Variants in PTPRD observed in about 807,000 individuals in gnomAD.
PTPRD encodes the protein receptor-type tyrosine-protein phosphatase delta.
Under a neutral mutation model 214.5 loss-of-function variants are expected in PTPRD, and 34 were observed. That is an observed-to-expected ratio of 0.16 (90% confidence interval 0.12 to 0.21). The LOEUF (loss-of-function observed/expected upper bound fraction) is 0.21, where lower values mean the gene tolerates loss of function less well. Among genes scored for constraint, PTPRD ranks in the 10% least tolerant of loss-of-function variants. The pLI is 1.00. For synonymous variants in PTPRD, 1,128 were observed against 845.7 expected (o/e 1.33, Z -5.79); for missense variants, 2,545 against 2,398.7 (o/e 1.06, Z -1.27).
At chr9:9,046,806 A>G (rs1287341217) in intron 10 of PTPRD, among the ~76,000 whole-genome samples, 2 of 152,206 alleles carry the variant, frequency 1.3e-5, no homozygotes, top group Admixed American at 1.3e-4. Context: ...ACCCTTAGCT[A>G]GTATCATACT....
intron 7 of PTPRD, among the ~76,000 whole-genome samples, chr9:9,577,900 G>T (rs991399416): frequency 3.3e-5 from 5 of 151,702 alleles, no homozygotes; most frequent in African/African-American, 1.2e-4. Context: ...ACAAAAATTA[G>T]CTGGGTATGG....
chr9:10,002,231 C>A (rs1194454397), intron 4 of PTPRD, among the ~76,000 whole-genome samples: 1 of 146,328 alleles, frequency 6.8e-6, no homozygotes, highest in African/African-American at 2.5e-5. Context: ...CAAAAAAGAG[C>A]AATATTAAAG....
chr9:9,119,188 G>T (rs1037500564), intron 10 of PTPRD, among the ~76,000 whole-genome samples: 7 of 152,156 alleles, frequency 4.6e-5, no homozygotes, highest in Non-Finnish European at 1.0e-4. Context: ...ATCTTATTAT[G>T]ACTCCTTATC....
chr9:9,650,950 T>C (rs1256456494), intron 7 of PTPRD, among the ~76,000 whole-genome samples: 3 of 152,036 alleles, frequency 2.0e-5, no homozygotes, highest in Non-Finnish European at 4.4e-5. Context: ...CTAGAGTGTA[T>C]AAAACATATA....
intron 7 of PTPRD, among the ~76,000 whole-genome samples, chr9:9,627,285 C>T (rs1057067375): frequency 6.6e-6 from 1 of 152,078 alleles, no homozygotes; most frequent in Non-Finnish European, 1.5e-5. Context: ...ACAACATGGG[C>T]GACAGAGTGA....
At chr9:9,245,514 C>T (rs993448249) in intron 9 of PTPRD, among the ~76,000 whole-genome samples, 1 of 150,986 alleles carries the variant, frequency 6.6e-6, no homozygotes, top group Non-Finnish European at 1.5e-5. Context: ...CAAACTATTG[C>T]AAGGACAAAA....
intron 8 of PTPRD, among the ~76,000 whole-genome samples, chr9:9,439,753 A>C (rs1226541686): frequency 6.6e-6 from 1 of 152,370 alleles, no homozygotes; most frequent in African/African-American, 2.4e-5. Flanking sequence ...GACGAAGAGC[A>C]TTAATGGTAA....
intron 3 of PTPRD, among the ~76,000 whole-genome samples, chr9:10,303,942 C>T (rs145435326): frequency 3.9e-5 from 6 of 152,156 alleles, no homozygotes; most frequent in East Asian, 1.9e-4. Flanking sequence ...ATGCTGAAAC[C>T]CGGAAGAGAC....
At chr9:8,645,388 C>G (rs1335455119) in intron 12 of PTPRD, among the ~76,000 whole-genome samples, 1 of 152,182 alleles carries the variant, frequency 6.6e-6, no homozygotes, top group African/African-American at 2.4e-5. Flanking sequence ...ATTCCATTTG[C>G]TCATGATTTA....
At chr9:10,279,017 G>C (rs997442513) in intron 3 of PTPRD, among the ~76,000 whole-genome samples, 2 of 152,038 alleles carry the variant, frequency 1.3e-5, no homozygotes, top group South Asian at 2.1e-4. Context: ...CTCGTGATCT[G>C]CCCGCCTTGG....
chr9:9,794,157 A>ATC (rs1491100856), intron 5 of PTPRD, among the ~76,000 whole-genome samples: 3 of 33,348 alleles, frequency 9.0e-5, no homozygotes, highest in South Asian at 2.5e-3. Context: ...ATATATGTAC[A>ATC]TGTATATATA....
intron 4 of PTPRD, among the ~76,000 whole-genome samples, chr9:10,013,255 C>G (rs79026751): frequency 0.027 from 4,112 of 151,924 alleles, 72 homozygotes; most frequent in Middle Eastern, 0.092. Context: ...CATCAGGTCC[C>G]TGGCCTCTAG....
intron 9 of PTPRD, among the ~76,000 whole-genome samples, chr9:9,323,253 A>G (rs1244861833): frequency 6.6e-6 from 1 of 151,846 alleles, no homozygotes; most frequent in Non-Finnish European, 1.5e-5. Flanking sequence ...TAAAAAAGAC[A>G]AAGACAAGAC....
chr9:9,058,395 T>C (rs2099700224), intron 10 of PTPRD, among the ~76,000 whole-genome samples: 2 of 150,498 alleles, frequency 1.3e-5, no homozygotes, highest in East Asian at 2.0e-4. Context: ...GCTTAGAAGA[T>C]AAATTCTATG....
chr9:9,482,050 G>T (rs1266837478), intron 8 of PTPRD, among the ~76,000 whole-genome samples: 1 of 152,036 alleles, frequency 6.6e-6, no homozygotes, highest in Non-Finnish European at 1.5e-5. Flanking sequence ...TCTGCCACAT[G>T]AATCCCATTC....
At chr9:8,413,207 ATTGC>A (rs1423852893) in intron 35 of PTPRD, among the ~76,000 whole-genome samples, 1 of 152,126 alleles carries the variant, frequency 6.6e-6, no homozygotes, top group Non-Finnish European at 1.5e-5. Context: ...GGCTTTCATC[ATTGC>A]TTTGCTTGTC....
intron 9 of PTPRD, among the ~76,000 whole-genome samples, chr9:9,371,041 A>C (rs981962109): frequency 1.3e-5 from 2 of 151,726 alleles, no homozygotes; most frequent in Non-Finnish European, 2.9e-5. Context: ...TTTTTGCATC[A>C]ATATTCATTA....
At chr9:9,782,014 G>T (rs1045916959) in intron 5 of PTPRD, among the ~76,000 whole-genome samples, 11 of 152,012 alleles carry the variant, frequency 7.2e-5, no homozygotes, top group African/African-American at 2.7e-4. Flanking sequence ...GGATGGTCTC[G>T]ATCTCCTGAC....
At chr9:8,928,055 C>G (rs932882129) in intron 11 of PTPRD, among the ~76,000 whole-genome samples, 4 of 151,150 alleles carry the variant, frequency 2.6e-5, no homozygotes, top group Non-Finnish European at 3.0e-5. Flanking sequence ...ATGAGGTTGT[C>G]TTTTCCTTGT....
Sources: allele counts gnomAD v4.1 joint callset (sites outside exome capture counted in the v4.1 genomes callset), GRCh38; gene constraint gnomAD v4.1.1; transcripts MANE v1.5; gene names NCBI Gene and HGNC (gene_info 2026-07-23, HGNC 2026-07-21).